TTC7B: variants seen among roughly 807,000 people sequenced by gnomAD.
TTC7B encodes tetratricopeptide repeat domain 7B.
In TTC7B, 28 loss-of-function variants were observed where a neutral mutation model predicts 106.8. That is an observed-to-expected ratio of 0.26 (90% confidence interval 0.19 to 0.36). TTC7B has a LOEUF of 0.36. Ranked by LOEUF, TTC7B falls within the 10% of genes least tolerant of loss-of-function variation. TTC7B has a pLI of 1.00. For synonymous variants in TTC7B, 405 were observed against 430.6 expected, an observed-to-expected ratio of 0.94 and a Z score of 0.74; for missense variants, 862 against 1,076.4, an observed-to-expected ratio of 0.80 and a Z score of 2.79.
intron 7 of TTC7B, among the ~76,000 whole-genome samples, chr14:90,684,108 T>C (rs1887162053): frequency 6.7e-6 from 1 of 149,504 alleles, no homozygotes; most frequent in Non-Finnish European, 1.5e-5. Flanking sequence ...TCCATGATAA[T>C]TACCTTTTCC....
chr14:90,542,925 T>C (rs1889670007), intron 19 of TTC7B, among the ~76,000 whole-genome samples: 1 of 152,252 alleles, frequency 6.6e-6, no homozygotes, highest in African/African-American at 2.4e-5. Context: ...TTGCAAATTT[T>C]ATCCCCAAAG....
chr14:90,692,396 C>T (rs868803100), intron 6 of TTC7B, among the ~76,000 whole-genome samples: 4 of 152,094 alleles, frequency 2.6e-5, no homozygotes, highest in Admixed American at 2.0e-4. Context: ...ATAGAGTTTA[C>T]AAAGCAACTT....
rs369076392 is a variant in TTC7B at position 90,676,674 on chromosome 14, G to A, written c.1015-14C>T. ...GTCCCGGTTGGCCTGAAAAAACATG[G>A]AATAGAGAAGCAGATGGAGAGAGAA... On this transcript the variant is annotated splice_polypyrimidine_tract_variant and intron_variant, in intron 8 of 19. Coordinates refer to ENST00000328459, the MANE Select transcript of TTC7B (RefSeq NM_001010854.2). 54 of 1,612,454 alleles carry A rather than the reference G, an allele frequency of 3.3e-5. No homozygotes were observed. Among genetic ancestry groups the A allele is most frequent in the Non-Finnish European group, 4.3e-5 (51 of 1,179,322 alleles).
chr14:90,694,977 C>T (rs1233025855), intron 6 of TTC7B, among the ~76,000 whole-genome samples: 5 of 130,734 alleles, frequency 3.8e-5, no homozygotes, highest in East Asian at 2.3e-4. Context: ...TAATATATGT[C>T]ACATATATTT....
intron 1 of TTC7B, among the ~76,000 whole-genome samples, chr14:90,813,573 C>T (rs1355953850): frequency 2.0e-5 from 3 of 152,078 alleles, no homozygotes; most frequent in Non-Finnish European, 4.4e-5. Flanking sequence ...AAAACTGAGG[C>T]TCAGAGTGGT....
At chr14:90,701,688 AC>A (rs1887990120) in intron 5 of TTC7B, among the ~76,000 whole-genome samples, 2 of 114,904 alleles carry the variant, frequency 1.7e-5, no homozygotes, top group Non-Finnish European at 4.1e-5. Context: ...TCCAAAAGAA[AC>A]GTATATATAT....
At chr14:90,612,930 A>G (rs1203606217) in intron 16 of TTC7B, among the ~76,000 whole-genome samples, 1 of 152,114 alleles carries the variant, frequency 6.6e-6, no homozygotes, top group South Asian at 2.1e-4. Flanking sequence ...TGAATTTTGA[A>G]CCTCACCCCC....
At chr14:90,544,972 G>A (rs912855337) in intron 19 of TTC7B, among the ~76,000 whole-genome samples, 6 of 152,206 alleles carry the variant, frequency 3.9e-5, no homozygotes, top group Non-Finnish European at 8.8e-5. Flanking sequence ...CATCAGCCCC[G>A]TGCTGTTTTC....
intron 15 of TTC7B, among the ~76,000 whole-genome samples, chr14:90,641,862 A>C (rs978665234): frequency 5.3e-5 from 8 of 152,078 alleles, no homozygotes; most frequent in Non-Finnish European, 1.2e-4. Flanking sequence ...CTCTTGGATG[A>C]CACCCTAGGC....
chr14:90,593,075 C>A (rs1461226759), intron 18 of TTC7B, among the ~76,000 whole-genome samples: 1 of 152,186 alleles, frequency 6.6e-6, no homozygotes, highest in Non-Finnish European at 1.5e-5. Flanking sequence ...CTAAGCCCAT[C>A]ATACAGAATT....
At position 90,532,892 on chromosome 14, in the gene TTC7B, A is replaced by T. The variant is rs986503022; in HGVS notation, c.*8476T>A. On this transcript the variant is annotated 3_prime_UTR_variant, in exon 20 of 20. Transcript: ENST00000328459. ...GCTGTGCCTTCCTGGGTACTGCTGA[A>T]TGGCAGGCTAAGCTCAGGCTGGAAA... 4 of 152,264 alleles carry T rather than the reference A, an allele frequency of 2.6e-5. No homozygotes were observed. The highest frequency in any genetic ancestry group is 4.4e-5 in the Non-Finnish European group (3 of 68,110). The allele number at this position is 152,264 out of a possible 1,614,324, so 9.4% of individuals were successfully genotyped here.
At chr14:90,760,109 A>C (rs1027043893) in intron 3 of TTC7B, among the ~76,000 whole-genome samples, 9 of 152,226 alleles carry the variant, frequency 5.9e-5, no homozygotes, top group Non-Finnish European at 1.2e-4. Flanking sequence ...GGATGGAGAG[A>C]TTGGTGTGGA....
At chr14:90,678,485 A>C (rs764694274) in intron 8 of TTC7B, among the ~76,000 whole-genome samples, 2 of 152,252 alleles carry the variant, frequency 1.3e-5, no homozygotes, top group African/African-American at 4.8e-5. Context: ...TCGAGAAGTC[A>C]AAGGATATGG....
intron 15 of TTC7B, among the ~76,000 whole-genome samples, chr14:90,625,036 G>T (rs926224367): frequency 1.3e-5 from 2 of 152,226 alleles, no homozygotes; most frequent in Non-Finnish European, 2.9e-5. Context: ...CAGATCGGGG[G>T]AGCTGGAGTG....
chr14:90,766,455 G>A (rs529767970), intron 3 of TTC7B: 2 of 631,100 alleles, frequency 3.2e-6, no homozygotes, highest in Non-Finnish European at 5.7e-6. Flanking sequence ...TGTCAAAAAG[G>A]ACATAGAAAA....
intron 5 of TTC7B, among the ~76,000 whole-genome samples, chr14:90,729,554 C>A (rs1460233697): frequency 6.6e-6 from 1 of 152,242 alleles, no homozygotes; most frequent in Non-Finnish European, 1.5e-5. Flanking sequence ...AAACAAACAT[C>A]AAATGCACTC....
chr14:90,644,271 A>G (rs914743124), intron 14 of TTC7B, 63 bp from the exon 15 acceptor site: 35 of 1,321,404 alleles, frequency 2.6e-5, no homozygotes, highest in Non-Finnish European at 3.4e-5. Flanking sequence ...ACACACACAC[A>G]CACACACACG....
rs535760195 is a variant in TTC7B, at chr14:90,577,651, G to C, written c.2310+455C>G. On this transcript the variant is annotated intron_variant, in intron 19 of 19. Transcript: ENST00000328459. The surrounding 1 kb of genome is among the most constrained non-coding windows in gnomAD (Gnocchi z 5.0). The stretch of plus-strand genomic sequence containing the variant: ...AGCCAATGGCCTCAGAGACATGCTG[G>C]AGTCTCAGGCTCCCTTAAGGCAAGA... Among the ~76,000 whole-genome samples the C allele has an allele frequency of 1.5e-4, 23 of 152,344 alleles. No individual in the cohort carries two copies. In the South Asian group the frequency reaches 4.6e-3, roughly 30 times the overall value.
At chr14:90,674,480 C>G (rs1886749997) in intron 9 of TTC7B, among the ~76,000 whole-genome samples, 1 of 152,230 alleles carries the variant, frequency 6.6e-6, no homozygotes, top group Non-Finnish European at 1.5e-5. Flanking sequence ...TATCCAACCC[C>G]TAGATAAGGC....
Sources: allele counts gnomAD v4.1 joint callset (sites outside exome capture counted in the v4.1 genomes callset), GRCh38; gene constraint gnomAD v4.1.1; non-coding constraint Gnocchi (gnomAD v3.1); transcripts MANE v1.5; gene names NCBI Gene and HGNC (gene_info 2026-07-23, HGNC 2026-07-21).